PCDH9: variants seen among roughly 807,000 people sequenced by gnomAD.
The protein encoded by PCDH9 is protocadherin-9.
A neutral mutation model predicts 70.6 loss-of-function variants in PCDH9; 24 were observed. The ratio of observed to expected loss-of-function variants is 0.34; its 90% CI spans 0.25 to 0.48. The LOEUF is 0.48. PCDH9 is among the 20% of genes least tolerant of loss of function. PCDH9 has a pLI of 0.99. For synonymous variants in PCDH9, 562 were observed against 558.5 expected (o/e 1.01, Z -0.09); for missense variants, 1,281 against 1,503.6 (o/e 0.85, Z 2.45).
chr13:66,366,807 G>A (rs1278220417), intron 4 of PCDH9, among the ~76,000 whole-genome samples: 1 of 152,072 alleles, frequency 6.6e-6, no homozygotes, highest in Non-Finnish European at 1.5e-5. Flanking sequence ...ATAATTCAGT[G>A]TATCTGGATA....
intron 2 of PCDH9, among the ~76,000 whole-genome samples, chr13:67,148,238 G>T (rs1356042034): frequency 6.6e-6 from 1 of 151,104 alleles, no homozygotes; most frequent in African/African-American, 2.4e-5. Context: ...ACATTAATTG[G>T]AATTTGTATT....
chr13:66,789,317 T>C (rs578124290), intron 3 of PCDH9, among the ~76,000 whole-genome samples: 1 of 152,292 alleles, frequency 6.6e-6, no homozygotes, highest in Non-Finnish European at 1.5e-5. Flanking sequence ...ATCTCCCCCG[T>C]GGCTAATAGT....
chr13:66,687,647 C>T (rs980091190), intron 3 of PCDH9, among the ~76,000 whole-genome samples: 6 of 152,062 alleles, frequency 3.9e-5, no homozygotes, highest in Non-Finnish European at 7.4e-5. Context: ...GATAAATATG[C>T]TTTGGATGAA....
At chr13:66,616,940 C>T (rs886473601) in intron 4 of PCDH9, among the ~76,000 whole-genome samples, 1 of 152,134 alleles carries the variant, frequency 6.6e-6, no homozygotes, top group African/African-American at 2.4e-5. Context: ...GGAAGGAAAA[C>T]TGCATCTAAG....
At chr13:67,159,279 T>C (rs2087893553) in intron 2 of PCDH9, among the ~76,000 whole-genome samples, 1 of 152,056 alleles carries the variant, frequency 6.6e-6, no homozygotes, top group African/African-American at 2.4e-5. Context: ...AAGATGGTCA[T>C]AGGCAACACA....
intron 2 of PCDH9, among the ~76,000 whole-genome samples, chr13:67,158,629 G>A (rs1199463001): frequency 1.3e-5 from 2 of 152,188 alleles, no homozygotes; most frequent in Non-Finnish European, 2.9e-5. Flanking sequence ...CCAGACACCA[G>A]ATCTGCCAGC....
At chr13:67,045,387 C>T (rs1402025343) in intron 2 of PCDH9, among the ~76,000 whole-genome samples, 1 of 152,074 alleles carries the variant, frequency 6.6e-6, no homozygotes, top group Non-Finnish European at 1.5e-5. Context: ...CCATCACAGT[C>T]TATGTTACTT....
intron 3 of PCDH9, among the ~76,000 whole-genome samples, chr13:66,779,093 T>C (rs1212948956): frequency 3.3e-5 from 5 of 152,162 alleles, no homozygotes; most frequent in Non-Finnish European, 7.3e-5. Context: ...ATGAGTCTCT[T>C]AGAGTTCCCT....
At chr13:67,156,217 T>C (rs2087808656) in intron 2 of PCDH9, among the ~76,000 whole-genome samples, 1 of 151,972 alleles carries the variant, frequency 6.6e-6, no homozygotes, top group Non-Finnish European at 1.5e-5. Context: ...CCCCATCCTG[T>C]GACTATAAAA....
intron 2 of PCDH9, among the ~76,000 whole-genome samples, chr13:66,915,341 A>T (rs554358407): frequency 6.6e-6 from 1 of 151,768 alleles, no homozygotes; most frequent in South Asian, 2.1e-4. Context: ...CTTTTATAGA[A>T]GTTTTTTATT....
At chr13:66,397,424 A>ATG (rs1272064090) in intron 4 of PCDH9, among the ~76,000 whole-genome samples, 1 of 148,634 alleles carries the variant, frequency 6.7e-6, no homozygotes, top group African/African-American at 2.5e-5. Context: ...GTCGATATAT[A>ATG]TGTGTGTGTA....
At chr13:66,588,086 T>A (rs2076986916) in intron 4 of PCDH9, among the ~76,000 whole-genome samples, 1 of 152,082 alleles carries the variant, frequency 6.6e-6, no homozygotes, top group Non-Finnish European at 1.5e-5. Flanking sequence ...TTACAATAAC[T>A]TTGTAAAAAA....
chr13:66,605,588 C>G (rs1310397129), intron 4 of PCDH9, among the ~76,000 whole-genome samples: 2 of 152,170 alleles, frequency 1.3e-5, no homozygotes, highest in South Asian at 2.1e-4. Flanking sequence ...GCTGTCTGTT[C>G]TGTTCAGCCT....
chr13:67,125,997 T>C (rs2086972090), intron 2 of PCDH9, among the ~76,000 whole-genome samples: 1 of 152,198 alleles, frequency 6.6e-6, no homozygotes, highest in African/African-American at 2.4e-5. Context: ...TTAAATGTGC[T>C]AACTCATTTA....
chr13:66,981,674 T>C (rs1372643215), intron 2 of PCDH9, among the ~76,000 whole-genome samples: 4 of 152,044 alleles, frequency 2.6e-5, no homozygotes, highest in Non-Finnish European at 5.9e-5. Context: ...TTCCATAAAG[T>C]AAAACTCTTT....
chr13:67,063,587 T>C (rs1377636754), intron 2 of PCDH9, among the ~76,000 whole-genome samples: 3 of 152,050 alleles, frequency 2.0e-5, no homozygotes. Flanking sequence ...TCCTTTCCTC[T>C]ATACTATACT....
chr13:66,870,627 A>C (rs1290904863), intron 3 of PCDH9, among the ~76,000 whole-genome samples: 1 of 152,226 alleles, frequency 6.6e-6, no homozygotes, highest in Non-Finnish European at 1.5e-5. Flanking sequence ...GCCAAAAAAC[A>C]CATGAAAAAA....
At chr13:66,581,963 C>T (rs1169589775) in intron 4 of PCDH9, among the ~76,000 whole-genome samples, 1 of 152,096 alleles carries the variant, frequency 6.6e-6, no homozygotes, top group African/African-American at 2.4e-5. Flanking sequence ...TTTCTCTTCA[C>T]GTCTTTGTCC....
chr13:66,655,994 C>T (rs2077923393), intron 3 of PCDH9, among the ~76,000 whole-genome samples: 1 of 152,156 alleles, frequency 6.6e-6, no homozygotes, highest in Non-Finnish European at 1.5e-5. Flanking sequence ...GGTCTGCTAA[C>T]TTTTTAATCA....
Sources: allele counts gnomAD v4.1 joint callset (sites outside exome capture counted in the v4.1 genomes callset), GRCh38; gene constraint gnomAD v4.1.1; transcripts MANE v1.5; gene names NCBI Gene and HGNC (gene_info 2026-07-23, HGNC 2026-07-21).